CDH12: variants seen among roughly 807,000 people sequenced by gnomAD.
CDH12 encodes the protein cadherin-12.
CDH12 carries 41 observed loss-of-function variants against 74.1 expected under a neutral mutation model. The ratio of observed to expected loss-of-function variants is 0.55; its 90% CI spans 0.43 to 0.72. The LOEUF (loss-of-function observed/expected upper bound fraction) is 0.72. Ranked by LOEUF, CDH12 falls within the 30% of genes least tolerant of loss-of-function variation. The pLI is 0.00. For synonymous variants in CDH12, 399 were observed against 355.0 expected, an observed-to-expected ratio of 1.12 and a Z score of -1.39; for missense variants, 945 against 977.2, an observed-to-expected ratio of 0.97 and a Z score of 0.44.
intron 5 of CDH12, among the ~76,000 whole-genome samples, chr5:22,052,226 A>T (rs1740423238): frequency 6.6e-6 from 1 of 152,110 alleles, no homozygotes; most frequent in Non-Finnish European, 1.5e-5. Context: ...TCTCTCTTAT[A>T]ATCTTGTTTC....
At chr5:22,078,391 A>G in intron 5 of CDH12, 55 bp downstream of exon 5, 2 of 1,473,606 alleles carry the variant, frequency 1.4e-6, no homozygotes, top group Non-Finnish European at 1.9e-6. Context: ...TACAAAATAC[A>G]CAATGCATAT....
At chr5:22,363,482 C>T (rs538027428) in intron 3 of CDH12, among the ~76,000 whole-genome samples, 10 of 152,120 alleles carry the variant, frequency 6.6e-5, no homozygotes, top group South Asian at 2.1e-4. Flanking sequence ...GCCTATTAAA[C>T]GGCATGAAGA....
At chr5:21,946,759 C>A (rs2150096025) in intron 6 of CDH12, among the ~76,000 whole-genome samples, 1 of 152,312 alleles carries the variant, frequency 6.6e-6, no homozygotes, top group South Asian at 2.1e-4. Context: ...TAACATATTT[C>A]TCACCTGTTT....
intron 1 of CDH12, among the ~76,000 whole-genome samples, chr5:22,637,770 A>G (rs1457063767): frequency 1.3e-5 from 2 of 152,232 alleles, no homozygotes; most frequent in Non-Finnish European, 2.9e-5. Context: ...GAGTGTATCA[A>G]TGAAAATTTA....
At chr5:22,354,316 G>T (rs1740475611) in intron 3 of CDH12, among the ~76,000 whole-genome samples, 1 of 152,106 alleles carries the variant, frequency 6.6e-6, no homozygotes, top group Non-Finnish European at 1.5e-5. Context: ...GCAGTAAACT[G>T]TCCCCTGACA....
At chr5:22,306,023 T>C (rs781318504) in intron 3 of CDH12, among the ~76,000 whole-genome samples, 2 of 152,162 alleles carry the variant, frequency 1.3e-5, no homozygotes, top group Non-Finnish European at 2.9e-5. Context: ...AAACACCTGC[T>C]CATCTACAAA....
intron 2 of CDH12, among the ~76,000 whole-genome samples, chr5:22,449,114 G>C (rs1580660773): frequency 6.6e-6 from 1 of 151,334 alleles, no homozygotes; most frequent in Non-Finnish European, 1.5e-5. Context: ...TAATTTTTTT[G>C]TTCAGCTGTT....
intron 2 of CDH12, among the ~76,000 whole-genome samples, chr5:22,411,749 TA>T (rs1743179821): frequency 6.6e-6 from 1 of 152,020 alleles, no homozygotes; most frequent in Non-Finnish European, 1.5e-5. Context: ...TAATTGATGT[TA>T]CACTTTAATA....
chr5:21,887,619 A>G (rs973365102), intron 6 of CDH12, among the ~76,000 whole-genome samples: 4 of 152,152 alleles, frequency 2.6e-5, no homozygotes, highest in African/African-American at 9.6e-5. Flanking sequence ...ACTTCTTCCA[A>G]TTGAACATAC....
intron 3 of CDH12, among the ~76,000 whole-genome samples, chr5:22,276,820 G>C (rs1402574108): frequency 6.6e-6 from 1 of 152,106 alleles, no homozygotes; most frequent in Non-Finnish European, 1.5e-5. Context: ...CCGAGTAGCT[G>C]GGATTACAGG....
At chr5:22,552,817 T>TA (rs1561486284) in intron 1 of CDH12, among the ~76,000 whole-genome samples, 1 of 152,164 alleles carries the variant, frequency 6.6e-6, no homozygotes, top group African/African-American at 2.4e-5. Flanking sequence ...ATGGATTTTT[T>TA]ATCCCAATGG....
At chr5:22,074,482 G>C (rs747319028) in intron 5 of CDH12, among the ~76,000 whole-genome samples, 2 of 152,114 alleles carry the variant, frequency 1.3e-5, no homozygotes, top group Non-Finnish European at 2.9e-5. Flanking sequence ...TTAAACTAAA[G>C]AGCTTCCGCA....
At chr5:21,916,008 TA>T (rs1356874620) in intron 6 of CDH12, among the ~76,000 whole-genome samples, 1 of 152,102 alleles carries the variant, frequency 6.6e-6, no homozygotes, top group East Asian at 1.9e-4. Context: ...TGCTTCATAA[TA>T]AAAAAGCAAT....
chr5:21,813,994 C>T (rs966263450), intron 9 of CDH12, among the ~76,000 whole-genome samples: 1 of 152,116 alleles, frequency 6.6e-6, no homozygotes, highest in Non-Finnish European at 1.5e-5. Flanking sequence ...ACTGCCCTAT[C>T]TCCATAGTGG....
intron 3 of CDH12, among the ~76,000 whole-genome samples, chr5:22,368,663 A>G (rs1741139440): frequency 6.6e-6 from 1 of 152,186 alleles, no homozygotes; most frequent in Non-Finnish European, 1.5e-5. Context: ...TATCTATAGT[A>G]ATAGAAGCCT....
Position 21,888,843 on chromosome 5 carries a change from A to G in CDH12, c.527-34053T>C, listed in dbSNP as rs887546685. Among the ~76,000 whole-genome samples, 3 of 152,042 alleles carry G rather than the reference A, an allele frequency of 2.0e-5. No homozygotes were observed. The East Asian group carries it at 5.8e-4, about 29-fold the overall frequency. On this transcript the variant is annotated intron_variant, in intron 6 of 14. Coordinates refer to ENST00000382254, the MANE Select transcript of CDH12 (RefSeq NM_004061.5). ...TAATACATACCTATTTTATGAAATA[A>G]ATGATTATACTAGTTTTTATAGCCA...
intron 4 of CDH12, among the ~76,000 whole-genome samples, chr5:22,101,753 C>G (rs1054102431): frequency 5.9e-5 from 9 of 152,066 alleles, no homozygotes; most frequent in Non-Finnish European, 2.9e-5. Context: ...AAATGTGATA[C>G]AAGTGAGGAA....
intron 8 of CDH12, among the ~76,000 whole-genome samples, chr5:21,826,691 A>G (rs138463537): frequency 1.3e-5 from 2 of 152,318 alleles, no homozygotes; most frequent in African/African-American, 4.8e-5. Flanking sequence ...TGTCAACATG[A>G]AGGAAACGAA....
intron 6 of CDH12, among the ~76,000 whole-genome samples, chr5:21,916,787 C>G (rs1461755630): frequency 3.3e-5 from 5 of 152,200 alleles, no homozygotes; most frequent in African/African-American, 1.2e-4. Flanking sequence ...GAATGCGTCT[C>G]TCAGCAGGCT....
Sources: allele counts gnomAD v4.1 joint callset (sites outside exome capture counted in the v4.1 genomes callset), GRCh38; gene constraint gnomAD v4.1.1; transcripts MANE v1.5; gene names NCBI Gene and HGNC (gene_info 2026-07-23, HGNC 2026-07-21).